The following NRCAM variants were observed in gnomAD, a reference collection of about 807,000 sequenced individuals.
NRCAM encodes the protein neuronal cell adhesion molecule.
A neutral mutation model predicts 156.5 loss-of-function variants in NRCAM; 83 were observed. That is an observed-to-expected ratio of 0.53 (90% CI 0.44 to 0.64). The LOEUF (loss-of-function observed/expected upper bound fraction) is 0.64. Among genes scored for constraint, NRCAM ranks in the 30% least tolerant of loss-of-function variants. The probability of loss-of-function intolerance (pLI) is 0.00; values close to 1 mark genes in which losing one functional copy is unlikely to be tolerated. For synonymous variants in NRCAM, 538 were observed against 563.9 expected, an observed-to-expected ratio of 0.95 and a Z score of 0.65; for missense variants, 1,417 against 1,597.3, an observed-to-expected ratio of 0.89 and a Z score of 1.92.
chr7:108,363,952 G>C (rs1300313451), intron 2 of NRCAM, among the ~76,000 whole-genome samples: 1 of 152,098 alleles, frequency 6.6e-6, no homozygotes. Context: ...ATCCTAGATA[G>C]GATCCTGGGA....
intron 1 of NRCAM, among the ~76,000 whole-genome samples, chr7:108,423,413 T>G (rs1380910235): frequency 6.6e-6 from 1 of 152,008 alleles, no homozygotes; most frequent in South Asian, 2.1e-4. Flanking sequence ...GGAAATCACC[T>G]GATTCAGAGA....
At chr7:108,384,858 T>G (rs925624885) in intron 2 of NRCAM, among the ~76,000 whole-genome samples, 1 of 152,232 alleles carries the variant, frequency 6.6e-6, no homozygotes, top group Non-Finnish European at 1.5e-5. Context: ...TTTTGTCTCC[T>G]AAGCCCAGTT....
At chr7:108,420,510 A>C (rs1808096254) in intron 1 of NRCAM, among the ~76,000 whole-genome samples, 1 of 152,228 alleles carries the variant, frequency 6.6e-6, no homozygotes, top group Non-Finnish European at 1.5e-5. Flanking sequence ...GAAATCCTGC[A>C]GTCCTTTACA....
Position 108,279,070 on chromosome 7 carries a change from T to C in NRCAM, c.-107+33595A>G, listed in dbSNP as rs1364913206. Among the ~76,000 whole-genome samples, 6 of 152,216 alleles carry C rather than the reference T, an allele frequency of 3.9e-5. No homozygotes were observed. The East Asian group carries it at 1.2e-3, about 29-fold the overall frequency. On this transcript the variant is annotated intron_variant, in intron 3 of 32. Coordinates refer to ENST00000379028, the MANE Select transcript of NRCAM (RefSeq NM_001037132.4). Reference sequence around the variant, plus strand: ...AAGGTTGTCTGCTTAGAAGGCACTCTTTCCATTATACCAGGTGACGAGAAA... The same window carrying C: ...AAGGTTGTCTGCTTAGAAGGCACTCCTTCCATTATACCAGGTGACGAGAAA...
chr7:108,447,317 G>A (rs1332748814), intron 1 of NRCAM, among the ~76,000 whole-genome samples: 1 of 140,516 alleles, frequency 7.1e-6, no homozygotes, highest in African/African-American at 2.7e-5. Flanking sequence ...CCAGGCTGGA[G>A]TGCAGTGGCA....
At chr7:108,310,142 C>T (rs2098781914) in intron 3 of NRCAM, among the ~76,000 whole-genome samples, 2 of 152,178 alleles carry the variant, frequency 1.3e-5, no homozygotes, top group Non-Finnish European at 2.9e-5. Flanking sequence ...GGTTATTCTT[C>T]ATACACAGCT....
chr7:108,250,373 C>G (rs1183721526), intron 3 of NRCAM, among the ~76,000 whole-genome samples: 1 of 142,002 alleles, frequency 7.0e-6, no homozygotes, highest in Non-Finnish European at 1.5e-5. Context: ...TTGCAGTGAG[C>G]CAAGATCGTG....
At chr7:108,452,384 G>C (rs1461678837) in intron 1 of NRCAM, among the ~76,000 whole-genome samples, 2 of 150,978 alleles carry the variant, frequency 1.3e-5, no homozygotes, top group African/African-American at 4.9e-5. Context: ...ACTTTTACTT[G>C]TCAATTATAT....
intron 3 of NRCAM, among the ~76,000 whole-genome samples, chr7:108,272,925 G>A (rs533229658): frequency 6.6e-6 from 1 of 152,170 alleles, no homozygotes; most frequent in Admixed American, 6.5e-5. Flanking sequence ...AGGCCCTGGT[G>A]TGTGATATTC....
intron 2 of NRCAM, among the ~76,000 whole-genome samples, chr7:108,368,242 G>A (rs867367596): frequency 1.4e-4 from 4 of 28,266 alleles, no homozygotes; most frequent in Non-Finnish European, 2.2e-4. Context: ...CCACCCCCCC[G>A]CCTGCTCACT....
At chr7:108,284,137 A>G (rs2097974567) in intron 3 of NRCAM, among the ~76,000 whole-genome samples, 1 of 152,070 alleles carries the variant, frequency 6.6e-6, no homozygotes, top group Non-Finnish European at 1.5e-5. Flanking sequence ...TTTCCAAATT[A>G]TATCACATTT....
At chr7:108,341,666 G>C (rs2154270626) in intron 2 of NRCAM, among the ~76,000 whole-genome samples, 1 of 152,234 alleles carries the variant, frequency 6.6e-6, no homozygotes. Context: ...TGCCCATCCT[G>C]TTCAAATTAA....
intron 1 of NRCAM, among the ~76,000 whole-genome samples, chr7:108,406,486 G>A (rs2099807865): frequency 6.6e-6 from 1 of 152,164 alleles, no homozygotes; most frequent in Non-Finnish European, 1.5e-5. Context: ...ACTTCAAATG[G>A]TAAGGGATAC....
intron 3 of NRCAM, among the ~76,000 whole-genome samples, chr7:108,256,518 C>T (rs1308909215): frequency 6.6e-6 from 1 of 151,112 alleles, no homozygotes; most frequent in Non-Finnish European, 1.5e-5. Context: ...CCTAGGAAAA[C>T]CAGAGACCCT....
chr7:108,159,172 C>G, intron 32 of NRCAM: 1 of 546,356 alleles, frequency 1.8e-6, no homozygotes, highest in Admixed American at 2.5e-5. Context: ...CTCATAGTAG[C>G]ATATTGGCTT....
chr7:108,159,092 G>A lies in NRCAM; in HGVS notation c.3677+371C>T, dbSNP rs531725611. ...GTTTACACTGGTTTTATTACAGCATGTTTAGAAGATAACAAGTATAGCTTT... is the reference window on the plus strand; with the variant it reads ...GTTTACACTGGTTTTATTACAGCATATTTAGAAGATAACAAGTATAGCTTT... On this transcript the variant is annotated intron_variant, in intron 32 of 32. Transcript: ENST00000379028. Among the ~76,000 whole-genome samples the A allele has an allele frequency of 2.6e-5, 4 of 152,306 alleles. No individual in the cohort carries two copies. In the South Asian group the frequency reaches 6.2e-4, roughly 24 times the overall value.
chr7:108,449,910 T>A (rs1848431446), intron 1 of NRCAM, among the ~76,000 whole-genome samples: 2 of 152,056 alleles, frequency 1.3e-5, no homozygotes, highest in South Asian at 4.1e-4. Flanking sequence ...AATAGATTTT[T>A]TTTTTTTCTG....
At chr7:108,259,906 T>C (rs2096828807) in intron 3 of NRCAM, among the ~76,000 whole-genome samples, 1 of 152,084 alleles carries the variant, frequency 6.6e-6, no homozygotes. Context: ...AATACCAAGG[T>C]GTTGGGTTGA....
At chr7:108,307,345 G>A (rs1441990024) in intron 3 of NRCAM, among the ~76,000 whole-genome samples, 1 of 152,172 alleles carries the variant, frequency 6.6e-6, no homozygotes, top group African/African-American at 2.4e-5. Context: ...TTGTTTCACT[G>A]TAGCATGCTA....
Sources: allele counts gnomAD v4.1 joint callset (sites outside exome capture counted in the v4.1 genomes callset), GRCh38; gene constraint gnomAD v4.1.1; transcripts MANE v1.5; gene names NCBI Gene and HGNC (gene_info 2026-07-23, HGNC 2026-07-21).